The following SUMF1 variants were observed in gnomAD, a reference collection of about 807,000 sequenced individuals.
The protein encoded by SUMF1 is sulfatase modifying factor 1.
Under a neutral mutation model 47.6 loss-of-function variants are expected in SUMF1, and 48 were observed. That is an observed-to-expected ratio of 1.01 (90% confidence interval 0.80 to 1.28). The LOEUF is 1.28. Among genes scored for constraint, SUMF1 ranks in the 50% most tolerant of loss-of-function variants. The pLI is 0.00. For missense variants in SUMF1, 571 were observed against 485.4 expected (o/e 1.18, Z -1.66); for synonymous variants, 230 against 192.1 (o/e 1.20, Z -1.63).
intron 8 of SUMF1, among the ~76,000 whole-genome samples, chr3:4,354,590 T>C (rs1364770029): frequency 6.6e-6 from 1 of 152,206 alleles, no homozygotes; most frequent in Non-Finnish European, 1.5e-5. Flanking sequence ...CAAATTCAAG[T>C]ACTAACACAA....
intron 8 of SUMF1, among the ~76,000 whole-genome samples, chr3:4,325,541 A>G (rs950138386): frequency 2.7e-5 from 4 of 150,036 alleles, no homozygotes; most frequent in Admixed American, 6.7e-5. Context: ...GTGTGTGTGT[A>G]TATATGTGTG....
chr3:4,156,666 A>T (rs1288492801), intron 8 of SUMF1, among the ~76,000 whole-genome samples: 1 of 151,594 alleles, frequency 6.6e-6, no homozygotes, highest in East Asian at 1.9e-4. Context: ...TGTATTTTGT[A>T]TTTGCACTCT....
chr3:4,046,921 C>A (rs1031896377), intron 9 of SUMF1, among the ~76,000 whole-genome samples: 7 of 152,032 alleles, frequency 4.6e-5, no homozygotes, highest in Non-Finnish European at 8.8e-5. Flanking sequence ...AAAATTTGAA[C>A]CCTGAATGTG....
intron 8 of SUMF1, among the ~76,000 whole-genome samples, chr3:4,237,450 A>G (rs1241633248): frequency 1.3e-5 from 2 of 151,908 alleles, no homozygotes; most frequent in African/African-American, 4.8e-5. Flanking sequence ...GTGTGTTCAG[A>G]TCTTTTGCCC....
intron 8 of SUMF1, among the ~76,000 whole-genome samples, chr3:4,261,298 T>C (rs1221570670): frequency 6.6e-6 from 1 of 152,192 alleles, no homozygotes; most frequent in Non-Finnish European, 1.5e-5. Context: ...ACTTGAACAG[T>C]AACATTTGGT....
At chr3:4,223,145 CT>C (rs1696104812) in intron 8 of SUMF1, among the ~76,000 whole-genome samples, 2 of 152,060 alleles carry the variant, frequency 1.3e-5, no homozygotes, top group African/African-American at 4.8e-5. Context: ...AATAGAATAG[CT>C]TTTACTAATA....
intron 8 of SUMF1, among the ~76,000 whole-genome samples, chr3:4,246,720 T>C (rs1376617100): frequency 6.6e-6 from 1 of 152,098 alleles, no homozygotes; most frequent in East Asian, 1.9e-4. Context: ...TTTCTTGATG[T>C]CTTTTAGTTG....
intron 1 of SUMF1, among the ~76,000 whole-genome samples, chr3:4,465,125 T>C (rs2079909193): frequency 6.6e-6 from 1 of 152,170 alleles, no homozygotes; most frequent in Admixed American, 6.5e-5. Context: ...TATATGCAAA[T>C]GAGATGGCTG....
rs368552177 is a variant in SUMF1 at position 4,181,031 on chromosome 3, A to G, written c.1015-112286T>C. 9.8e-5 allele frequency among the ~76,000 whole-genome samples: 15 copies of G among 152,288 alleles called. 3 individuals carry two copies. The highest frequency in any genetic ancestry group is 6.5e-5 in the Admixed American group (1 of 15,288). ...GTTAGTGAATCAAGTAGCTGGAGTA[A>G]AAATGTATCTTATGTAATTGCTATC... On this transcript the variant is annotated intron_variant and NMD_transcript_variant, in intron 8 of 12. Coordinates refer to the SUMF1 transcript ENST00000448413.
In SUMF1 at chr3:4,214,619, C is replaced by G. The variant is rs183900817; in HGVS notation, c.1015-145874G>C. Reference sequence around the variant, plus strand: ...TTCAAAAAATCAATGAACCCAGGAGCTGTTTTTTGAAAAGATCAACTAAAT... The same window carrying G: ...TTCAAAAAATCAATGAACCCAGGAGGTGTTTTTTGAAAAGATCAACTAAAT... On this transcript the variant is annotated intron_variant and NMD_transcript_variant, in intron 8 of 12. Coordinates refer to the SUMF1 transcript ENST00000448413. Among the ~76,000 whole-genome samples the G allele has an allele frequency of 2.0e-5, 3 of 152,144 alleles. No individual in the cohort carries two copies. The East Asian group carries it at 5.8e-4, about 29-fold the overall frequency.
chr3:4,176,365 G>A (rs1694960508), intron 8 of SUMF1, among the ~76,000 whole-genome samples: 2 of 152,192 alleles, frequency 1.3e-5, no homozygotes, highest in South Asian at 4.1e-4. Context: ...CAAGCTAGAA[G>A]AGAGTGGGGG....
At chr3:4,268,764 T>C (rs960381162) in intron 8 of SUMF1, among the ~76,000 whole-genome samples, 1 of 152,066 alleles carries the variant, frequency 6.6e-6, no homozygotes, top group Admixed American at 6.6e-5. Context: ...CTTTAAATCA[T>C]GTGCATTTTC....
At chr3:4,390,344 C>T (rs1700818485) in intron 7 of SUMF1, among the ~76,000 whole-genome samples, 1 of 152,166 alleles carries the variant, frequency 6.6e-6, no homozygotes, top group African/African-American at 2.4e-5. Flanking sequence ...CACCTAAATA[C>T]AGCTGCATGA....
chr3:4,079,068 A>G (rs61513008), intron 8 of SUMF1, among the ~76,000 whole-genome samples: 2,371 of 152,112 alleles, frequency 0.016, 79 homozygotes, highest in African/African-American at 0.055. Flanking sequence ...ACCTCAGAGC[A>G]GTTCTGCGTG....
intron 8 of SUMF1, among the ~76,000 whole-genome samples, chr3:4,107,210 G>T (rs1232630256): frequency 1.3e-5 from 2 of 152,110 alleles, no homozygotes; most frequent in African/African-American, 4.8e-5. Flanking sequence ...CTGTCCAGGA[G>T]CTAAGATTTG....
Position 4,417,011 on chromosome 3 carries a change from C to A in SUMF1, c.840+117G>T, listed in dbSNP as rs956565035. ...TATTTGCTACGTGCAACAGTGAATG[C>A]ATACACGAAGGGAACACCGTGTGAG... On this transcript the variant is annotated intron_variant, in intron 6 of 8. Coordinates refer to ENST00000272902, the MANE Select transcript of SUMF1 (RefSeq NM_182760.4). 4 of 889,162 alleles carry A rather than the reference C, an allele frequency of 4.5e-6. No homozygotes were observed. In the East Asian group the frequency reaches 9.8e-5, roughly 22 times the overall value. 55.1% of individuals were successfully genotyped at this position (889,162 alleles called of 1,614,324 possible). A position where few individuals can be genotyped will look rare whatever the true frequency, so the allele number is the denominator to read the frequency against.
intron 8 of SUMF1, among the ~76,000 whole-genome samples, chr3:4,222,326 C>T (rs1203393763): frequency 6.6e-6 from 1 of 152,086 alleles, no homozygotes; most frequent in Admixed American, 6.6e-5. Context: ...TCTTCCTCTA[C>T]TGAACGCCTG....
intron 6 of SUMF1, among the ~76,000 whole-genome samples, chr3:4,412,318 G>A (rs1458068606): frequency 2.6e-5 from 4 of 152,308 alleles, no homozygotes; most frequent in Admixed American, 2.0e-4. Context: ...GTAAGAGAGG[G>A]AAATAAAATG....
At chr3:4,063,985 C>A (rs867901336) in intron 9 of SUMF1, among the ~76,000 whole-genome samples, 5 of 152,180 alleles carry the variant, frequency 3.3e-5, no homozygotes, top group Middle Eastern at 3.4e-3. Context: ...ATTGTCCCAA[C>A]AAGATACAAT....
Sources: gnomAD v4.1 joint callset for allele counts (sites outside exome capture counted in the v4.1 genomes callset) on GRCh38, gnomAD v4.1.1 for gene constraint, MANE v1.5 for transcripts, NCBI Gene and HGNC (gene_info 2026-07-23, HGNC 2026-07-21) for gene names.